PPARGC1A: variants seen among roughly 807,000 people sequenced by gnomAD.
PPARGC1A encodes the protein peroxisome proliferator-activated receptor gamma coactivator 1-alpha.
A neutral mutation model predicts 88.7 loss-of-function variants in PPARGC1A; 25 were observed. That is an observed-to-expected ratio of 0.28 (90% CI 0.21 to 0.39). The LOEUF is 0.39. Ranked by LOEUF, PPARGC1A falls within the 10% of genes least tolerant of loss-of-function variation. The pLI is 1.00. For synonymous variants in PPARGC1A, 363 were observed against 355.6 expected, an observed-to-expected ratio of 1.02 and a Z score of -0.24; for missense variants, 880 against 968.7, an observed-to-expected ratio of 0.91 and a Z score of 1.22.
the PPARGC1A span, among the ~76,000 whole-genome samples, chr4:24,211,796 T>C: frequency 6.6e-6 from 1 of 152,228 alleles, no homozygotes; most frequent in African/African-American, 2.4e-5. Context: ...CATACATTTT[T>C]AAATGAGCAA....
chr4:23,955,313 C>T, the PPARGC1A span, among the ~76,000 whole-genome samples: 1 of 151,914 alleles, frequency 6.6e-6, no homozygotes, highest in Non-Finnish European at 1.5e-5. Flanking sequence ...AGCATCTGCC[C>T]AGAATATAAA....
chr4:24,379,829 G>C, the PPARGC1A span, among the ~76,000 whole-genome samples: 1 of 148,696 alleles, frequency 6.7e-6, no homozygotes, highest in Non-Finnish European at 1.5e-5. Context: ...GCCCAGGCTG[G>C]AGTGCAATGG....
At chr4:23,961,041 A>G in the PPARGC1A span, among the ~76,000 whole-genome samples, 1 of 152,150 alleles carries the variant, frequency 6.6e-6, no homozygotes, top group Admixed American at 6.6e-5. Flanking sequence ...GGCTAAGAGA[A>G]TGTGTATGTG....
the PPARGC1A span, among the ~76,000 whole-genome samples, chr4:24,395,123 C>T: frequency 1.3e-5 from 2 of 152,282 alleles, no homozygotes; most frequent in Admixed American, 1.3e-4. Context: ...AACAAACTTC[C>T]AAAACTTCTG....
the PPARGC1A span, among the ~76,000 whole-genome samples, chr4:24,114,192 T>C: frequency 1.8e-4 from 26 of 148,502 alleles, no homozygotes; most frequent in Admixed American, 8.1e-4. Flanking sequence ...GCTGAACTAA[T>C]GAACAAACCC....
At chr4:23,886,653 G>A (rs2148841283) in intron 1 of PPARGC1A, among the ~76,000 whole-genome samples, 1 of 152,210 alleles carries the variant, frequency 6.6e-6, no homozygotes, top group South Asian at 2.1e-4. Flanking sequence ...ACTGGAGGCT[G>A]GGCTGAAGAG....
the PPARGC1A span, among the ~76,000 whole-genome samples, chr4:23,944,370 A>G: frequency 6.6e-6 from 1 of 152,292 alleles, no homozygotes; most frequent in South Asian, 2.1e-4. Context: ...AACTTCTCCC[A>G]TCATAGAGCA....
chr4:24,089,505 C>CTTT, the PPARGC1A span, among the ~76,000 whole-genome samples: 92 of 73,818 alleles, frequency 1.2e-3, no homozygotes, highest in African/African-American at 4.4e-3. Context: ...CTTTTCTTTT[C>CTTT]TTTTCTTTCT....
the PPARGC1A span, among the ~76,000 whole-genome samples, chr4:24,200,743 A>G: frequency 6.7e-6 from 1 of 148,160 alleles, no homozygotes; most frequent in African/African-American, 2.5e-5. Flanking sequence ...TTTCTTAGGC[A>G]TTTGCATTTG....
the PPARGC1A span, among the ~76,000 whole-genome samples, chr4:24,159,206 CT>C: frequency 0.01 from 1,139 of 109,832 alleles, 5 homozygotes; most frequent in African/African-American, 0.032. Flanking sequence ...GGAAATTAAC[CT>C]TTTTTTTTTT....
At chr4:24,099,978 G>T in the PPARGC1A span, among the ~76,000 whole-genome samples, 3 of 133,416 alleles carry the variant, frequency 2.2e-5, no homozygotes, top group Non-Finnish European at 3.2e-5. Flanking sequence ...GTTGTGGGGT[G>T]GGGGGAGGGG....
At chr4:24,046,027 G>A in the PPARGC1A span, among the ~76,000 whole-genome samples, 1 of 152,166 alleles carries the variant, frequency 6.6e-6, no homozygotes, top group Non-Finnish European at 1.5e-5. Context: ...AATGTCAAAT[G>A]AACAAATATT....
chr4:23,850,214 T>C (rs1010085652), intron 2 of PPARGC1A, among the ~76,000 whole-genome samples: 56 of 152,364 alleles, frequency 3.7e-4, no homozygotes, highest in African/African-American at 1.3e-3. Context: ...TGCACCAACC[T>C]AATGCTATCT....
intron 2 of PPARGC1A, among the ~76,000 whole-genome samples, chr4:23,841,636 T>A (rs1046274203): frequency 1.3e-5 from 2 of 152,028 alleles, no homozygotes; most frequent in East Asian, 3.9e-4. Flanking sequence ...GGTGAATAGT[T>A]TCAAACCTGG....
chr4:24,381,978 C>T, the PPARGC1A span, among the ~76,000 whole-genome samples: 1 of 152,182 alleles, frequency 6.6e-6, no homozygotes, highest in African/African-American at 2.4e-5. Context: ...ATCATTCTTT[C>T]CTTCCACTCA....
Position 23,812,883 on chromosome 4 carries a change from T to C in PPARGC1A, c.1899-16A>G. The C allele has an allele frequency of 1.2e-6, 2 of 1,613,936 alleles. No homozygotes were observed. Among genetic ancestry groups the C allele is most frequent in the Non-Finnish European group, 1.7e-6 (2 of 1,179,942 alleles). ...GCTGTCATACCTGGGAAACATAACT[T>C]TATCACTAAGTCAACCACCTCAATT... On this transcript the variant is annotated splice_polypyrimidine_tract_variant and intron_variant, in intron 9 of 12. Transcript: ENST00000264867.
chr4:24,251,851 C>T, the PPARGC1A span, among the ~76,000 whole-genome samples: 1 of 152,190 alleles, frequency 6.6e-6, no homozygotes, highest in Non-Finnish European at 1.5e-5. Flanking sequence ...CAGTGTCCAA[C>T]CAGACAGGAG....
At chr4:24,349,464 C>G in the PPARGC1A span, among the ~76,000 whole-genome samples, 1 of 152,132 alleles carries the variant, frequency 6.6e-6, no homozygotes, top group African/African-American at 2.4e-5. Flanking sequence ...TCTCCTTGGG[C>G]AGATTTTGCT....
At chr4:24,135,074 C>T in the PPARGC1A span, among the ~76,000 whole-genome samples, 3 of 152,244 alleles carry the variant, frequency 2.0e-5, no homozygotes, top group African/African-American at 7.2e-5. Context: ...CAATCCAGTG[C>T]CAACCTTTTC....
Sources: gnomAD v4.1 joint callset for allele counts (sites outside exome capture counted in the v4.1 genomes callset) on GRCh38, gnomAD v4.1.1 for gene constraint, MANE v1.5 for transcripts, NCBI Gene and HGNC (gene_info 2026-07-23, HGNC 2026-07-21) for gene names.